The following UVRAG variants were observed in gnomAD, a reference collection of about 807,000 sequenced individuals.
UVRAG encodes UV radiation resistance associated, also known as UV radiation resistance-associated gene protein.
In UVRAG, 19 loss-of-function variants were observed where a neutral mutation model predicts 78.0. The observed-to-expected ratio is 0.24, with a 90% CI of 0.17 to 0.36. The LOEUF is 0.36. Ranked by LOEUF, UVRAG falls within the 10% of genes least tolerant of loss-of-function variation. The pLI, the probability that UVRAG is intolerant of heterozygous loss-of-function variation, is 1.00. For synonymous variants in UVRAG, 323 were observed against 324.6 expected (o/e 1.00, Z 0.05); for missense variants, 740 against 853.8 (o/e 0.87, Z 1.66).
At chr11:76,040,798 G>A (rs1161526064) in intron 12 of UVRAG, among the ~76,000 whole-genome samples, 2 of 151,874 alleles carry the variant, frequency 1.3e-5, no homozygotes, top group African/African-American at 4.8e-5. Context: ...TTTGTGATCC[G>A]CCTGCCTTGG....
chr11:76,030,320 A>G (rs1218028298), intron 12 of UVRAG, among the ~76,000 whole-genome samples: 1 of 152,170 alleles, frequency 6.6e-6, no homozygotes, highest in South Asian at 2.1e-4. Context: ...GCTGTGAGCC[A>G]CAACACCCGG....
At chr11:76,066,468 T>A (rs1453252295) in intron 13 of UVRAG, among the ~76,000 whole-genome samples, 2 of 152,088 alleles carry the variant, frequency 1.3e-5, no homozygotes, top group African/African-American at 4.8e-5. Flanking sequence ...CTTTGTTTTT[T>A]ATTTTTTTTT....
In UVRAG at chr11:75,828,746, T is replaced by C. The variant is rs868026361; in HGVS notation, c.117+13222T>C. ...ATGTGTGTGTGTATATATATATATA[T>C]ACACACACATATATATATATATATA... is the stretch of plus-strand genomic sequence containing the variant. On this transcript the variant is annotated intron_variant, in intron 1 of 14. Transcript: ENST00000356136. Among the ~76,000 whole-genome samples, 399 of 90,548 alleles carry C rather than the reference T, an allele frequency of 4.4e-3. 3 individuals carry two copies. The East Asian group carries it at 0.049, about 11-fold the overall frequency. 59.4% of individuals were successfully genotyped at this position (90,548 alleles called of 152,430 possible). A position where few individuals can be genotyped will look rare whatever the true frequency, so the allele number is the denominator to read the frequency against.
rs1056355856 is a variant in UVRAG, at chr11:76,117,720, A to G, written c.1397+1705A>G. Among the ~76,000 whole-genome samples the G allele has an allele frequency of 3.3e-5, 5 of 152,208 alleles. No individual in the cohort carries two copies. The South Asian group carries it at 8.3e-4, about 25-fold the overall frequency. On this transcript the variant is annotated intron_variant, in intron 14 of 14. Coordinates refer to ENST00000356136, the MANE Select transcript of UVRAG (RefSeq NM_003369.4). ...GGCAGGCCCTTAACTACATTGGCAGACAGCGATCAGGTGACTTTTCTTCAG... is the reference window on the plus strand; with the variant it reads ...GGCAGGCCCTTAACTACATTGGCAGGCAGCGATCAGGTGACTTTTCTTCAG...
chr11:76,019,324 C>T (rs1950199918), intron 12 of UVRAG, among the ~76,000 whole-genome samples: 1 of 152,218 alleles, frequency 6.6e-6, no homozygotes, highest in Admixed American at 6.5e-5. Flanking sequence ...ACCTCTGTTT[C>T]TCCAGAATTG....
At chr11:75,995,438 T>C (rs779926881) in intron 8 of UVRAG, among the ~76,000 whole-genome samples, 2 of 151,748 alleles carry the variant, frequency 1.3e-5, no homozygotes, top group African/African-American at 2.4e-5. Context: ...TAAAAAGTTG[T>C]TGCCAAAATA....
rs1186698290 is a variant in UVRAG, at chr11:76,143,254, T to C, written c.*1841T>C. 1 of 152,186 alleles carries C rather than the reference T, an allele frequency of 6.6e-6. No individual in the cohort carries two copies. Among genetic ancestry groups the C allele is most frequent in the Non-Finnish European group, 1.5e-5 (1 of 68,042 alleles). 9.4% of individuals were successfully genotyped at this position (152,186 alleles called of 1,614,324 possible). On this transcript the variant is annotated 3_prime_UTR_variant, in exon 15 of 15. Coordinates refer to ENST00000356136, the MANE Select transcript of UVRAG (RefSeq NM_003369.4). The stretch of plus-strand genomic sequence containing the variant: ...AAGGTCAACCCCGTGGGACTTACGA[T>C]TGCCCCAGGTGCGGGATGGACTTAA...
chr11:76,140,579 A>T, intron 14 of UVRAG, 132 bp from the exon 15 acceptor site: 1 of 922,282 alleles, frequency 1.1e-6, no homozygotes, highest in Non-Finnish European at 1.5e-6. Flanking sequence ...TGCAATAACT[A>T]TTGTCTAAGA....
intron 8 of UVRAG, among the ~76,000 whole-genome samples, chr11:75,993,905 G>T (rs1949658675): frequency 6.6e-6 from 1 of 152,124 alleles, no homozygotes; most frequent in Admixed American, 6.5e-5. Context: ...GAAAGTGGAA[G>T]TGAGGGGGGT....
chr11:75,840,978 T>G (rs996662188), intron 1 of UVRAG, among the ~76,000 whole-genome samples: 9 of 152,222 alleles, frequency 5.9e-5, no homozygotes, highest in African/African-American at 2.2e-4. Flanking sequence ...AGTTCAGTAG[T>G]TGAGTATCTT....
rs113475742 is a variant in UVRAG, at chr11:76,079,491, GA to G, written c.1305+13714del. On this transcript the variant is annotated intron_variant, in intron 13 of 14. Coordinates refer to ENST00000356136, the MANE Select transcript of UVRAG (RefSeq NM_003369.4). ...CAGTGAAACCCTGTCTCAAAAAAAA[GA>G]AAAAAAAAAAGATTAAGATGAAATG... is the stretch of plus-strand genomic sequence containing the variant. 8.8e-4 allele frequency among the ~76,000 whole-genome samples: 124 copies of G among 140,364 alleles called. 1 individual carries two copies. The highest frequency in any genetic ancestry group is 3.7e-3 in the Admixed American group (52 of 14,062). The allele number at this position is 140,364 out of a possible 152,430, so 92.1% of individuals were successfully genotyped here.
At chr11:75,893,506 T>C (rs989569101) in intron 5 of UVRAG, among the ~76,000 whole-genome samples, 7 of 151,898 alleles carry the variant, frequency 4.6e-5, no homozygotes, top group African/African-American at 1.4e-4. Flanking sequence ...GAAATATTAC[T>C]CACAAATTAG....
chr11:75,930,492 A>T (rs907900056), intron 6 of UVRAG, among the ~76,000 whole-genome samples: 1 of 152,218 alleles, frequency 6.6e-6, no homozygotes, highest in Non-Finnish European at 1.5e-5. Flanking sequence ...GATTCATTGT[A>T]TGATAAACTA....
intron 3 of UVRAG, among the ~76,000 whole-genome samples, chr11:75,877,503 CG>C (rs1224850609): frequency 1.4e-5 from 2 of 144,778 alleles, no homozygotes; most frequent in Non-Finnish European, 3.1e-5. Context: ...GCTGGCTGGG[CG>C]GGGGGTGACC....
intron 13 of UVRAG, among the ~76,000 whole-genome samples, chr11:76,097,029 T>C (rs1470979091): frequency 6.6e-6 from 1 of 152,148 alleles, no homozygotes; most frequent in Admixed American, 6.6e-5. Flanking sequence ...CAACCCCTTC[T>C]GTTAGAGGCT....
At chr11:75,862,992 T>C (rs919276051) in intron 3 of UVRAG, among the ~76,000 whole-genome samples, 1 of 152,228 alleles carries the variant, frequency 6.6e-6, no homozygotes. Context: ...GTAAAGTAGA[T>C]GGGGCAGATC....
In UVRAG at chr11:76,015,774, C is replaced by T. The variant is rs144022709; in HGVS notation, c.1061-1041C>T. 3.0e-3 allele frequency among the ~76,000 whole-genome samples: 450 copies of T among 152,108 alleles called. 6 individuals carry two copies. Among genetic ancestry groups the T allele is most frequent in the African/African-American group, 0.01 (426 of 41,506 alleles). On this transcript the variant is annotated intron_variant, in intron 11 of 14. Coordinates refer to ENST00000356136, the MANE Select transcript of UVRAG (RefSeq NM_003369.4). ...TTAAGTGGAAACAGAAAGAAGAATGCGAAAATTTTTATTGGTAATTGAGGT... is the reference window on the plus strand; with the variant it reads ...TTAAGTGGAAACAGAAAGAAGAATGTGAAAATTTTTATTGGTAATTGAGGT...
intron 13 of UVRAG, among the ~76,000 whole-genome samples, chr11:76,072,351 CTTTTTG>C (rs745420244): frequency 1.6e-4 from 24 of 152,064 alleles, no homozygotes; most frequent in Non-Finnish European, 2.5e-4. Flanking sequence ...AGGGAAGTTT[CTTTTTG>C]TTTTTGTTTT....
intron 7 of UVRAG, among the ~76,000 whole-genome samples, chr11:75,978,726 T>C (rs1332785728): frequency 1.3e-5 from 2 of 152,220 alleles, no homozygotes; most frequent in Non-Finnish European, 2.9e-5. Flanking sequence ...CATCAGGTCA[T>C]TTAAGGTCTT....
Sources: gnomAD v4.1 joint callset for allele counts (sites outside exome capture counted in the v4.1 genomes callset) on GRCh38, gnomAD v4.1.1 for gene constraint, MANE v1.5 for transcripts, NCBI Gene and HGNC (gene_info 2026-07-23, HGNC 2026-07-21) for gene names.